Variants in LPCAT3 observed in about 807,000 individuals in gnomAD.
LPCAT3 encodes the protein lysophospholipid acyltransferase 5.
LPCAT3 carries 21 observed loss-of-function variants against 63.4 expected under a neutral mutation model. That is an observed-to-expected ratio of 0.33 (90% CI 0.23 to 0.48). The LOEUF is 0.48. Ranked by LOEUF, LPCAT3 falls within the 20% of genes least tolerant of loss-of-function variation. The probability of loss-of-function intolerance (pLI) is 0.99; values close to 1 mark genes in which losing one functional copy is unlikely to be tolerated. For synonymous variants in LPCAT3, 242 were observed against 227.5 expected (o/e 1.06, Z -0.58); for missense variants, 451 against 590.6 (o/e 0.76, Z 2.45).
chr12:6,988,554 C>T (rs1946551936), intron 1 of LPCAT3, among the ~76,000 whole-genome samples: 1 of 152,062 alleles, frequency 6.6e-6, no homozygotes, highest in South Asian at 2.1e-4. Context: ...TTTGTGGGAG[C>T]CAATGCTTAA....
intron 1 of LPCAT3, among the ~76,000 whole-genome samples, chr12:7,016,235 A>G (rs1946796653): frequency 6.6e-6 from 1 of 151,126 alleles, no homozygotes; most frequent in African/African-American, 2.4e-5. Context: ...CTGGGACCAC[A>G]GGCATGGCAT....
intron 1 of LPCAT3, among the ~76,000 whole-genome samples, chr12:6,983,959 A>G (rs1273163521): frequency 6.6e-6 from 1 of 152,214 alleles, no homozygotes; most frequent in Non-Finnish European, 1.5e-5. Context: ...CCTGAGCAAC[A>G]TAGCGAAACC....
chr12:6,978,416 C>T lies in LPCAT3; in HGVS notation c.965G>A (p.Trp322Ter). ...KWDACANMKV[W>*]LFETNPRFTG... ...GAAGCGGGGGTTTGTTTCAAAGAGCCACACCTTCATGTTGGCACAGGCATC... is the reference window on the plus strand; with the variant it reads ...GAAGCGGGGGTTTGTTTCAAAGAGCTACACCTTCATGTTGGCACAGGCATC... Residue 322 changes from tryptophan to a stop codon, truncating the protein, a stop_gained, in exon 9 of 13, where the codon TGG becomes TAG. Coordinates refer to ENST00000261407, the MANE Select transcript of LPCAT3 (RefSeq NM_005768.6). LOFTEE classifies it high-confidence loss of function. 5.6e-6 allele frequency: 9 copies of T among 1,614,066 alleles called. No homozygotes were observed. The highest frequency in any genetic ancestry group is 7.6e-6 in the Non-Finnish European group (9 of 1,180,012).
chr12:6,981,378 C>A, intron 5 of LPCAT3, 196 bp from the exon 6 acceptor site: 1 of 673,196 alleles, frequency 1.5e-6, no homozygotes, highest in Non-Finnish European at 2.5e-6. Flanking sequence ...TTAGCAAATG[C>A]CTTGCTGGCA....
chr12:6,999,619 A>T (rs1308860316), intron 1 of LPCAT3, among the ~76,000 whole-genome samples: 1 of 152,220 alleles, frequency 6.6e-6, no homozygotes, highest in Non-Finnish European at 1.5e-5. Context: ...ATAACTAAAA[A>T]TTATTCTATA....
At chr12:6,990,865 T>C (rs1246323258) in intron 1 of LPCAT3, among the ~76,000 whole-genome samples, 1 of 136,912 alleles carries the variant, frequency 7.3e-6, no homozygotes, top group Admixed American at 8.0e-5. Context: ...TGTAGTGAGC[T>C]GAGATCACGC....
chr12:7,017,911 G>T lies in LPCAT3; in HGVS notation c.151+363C>A, dbSNP rs1173564275. Among the ~76,000 whole-genome samples, 1 of 152,228 alleles carries T rather than the reference G, an allele frequency of 6.6e-6. No homozygotes were observed. Among genetic ancestry groups the T allele is most frequent in the Admixed American group, 6.5e-5 (1 of 15,286 alleles). ...CCGATGAGATGCGCGCGTGTGCGGG[G>T]TGGTTATTAATGACAGAGCAGGACA... On this transcript the variant is annotated intron_variant, in intron 1 of 12. Coordinates refer to ENST00000261407, the MANE Select transcript of LPCAT3 (RefSeq NM_005768.6). The surrounding 1 kb of genome is among the most constrained non-coding windows in gnomAD (Gnocchi z 4.1).
intron 1 of LPCAT3, among the ~76,000 whole-genome samples, chr12:6,984,473 A>G (rs944029319): frequency 6.6e-6 from 1 of 152,236 alleles, no homozygotes; most frequent in Admixed American, 6.5e-5. Context: ...GCACTAGTGC[A>G]TATGTGGAGG....
intron 1 of LPCAT3, among the ~76,000 whole-genome samples, chr12:6,985,461 C>T (rs1946514153): frequency 1.3e-5 from 2 of 151,888 alleles, no homozygotes; most frequent in Non-Finnish European, 2.9e-5. Context: ...GCCTGTAAAC[C>T]AAGGCACTTT....
intron 6 of LPCAT3, chr12:6,980,073 G>A (rs1946454878): frequency 6.6e-6 from 1 of 150,628 alleles, no homozygotes; most frequent in African/African-American, 2.5e-5. Flanking sequence ...CTAGAGTCAG[G>A]GCCTTGCTCT....
intron 9 of LPCAT3, 166 bp downstream of exon 9, chr12:6,978,175 T>G: frequency 2.6e-6 from 2 of 762,292 alleles, no homozygotes; most frequent in Non-Finnish European, 4.2e-6. Flanking sequence ...AGTAATGGTT[T>G]TTTTGGGAGG....
At position 7,017,122 on chromosome 12, in the gene LPCAT3, T is replaced by C. The variant is rs1488814150; in HGVS notation, c.151+1152A>G. Among the ~76,000 whole-genome samples the C allele has an allele frequency of 7.9e-5, 12 of 152,238 alleles. No homozygotes were observed. The highest frequency in any genetic ancestry group is 2.9e-4 in the African/African-American group (12 of 41,470). ...GGCTTTCCACACCTGCCCAACTTTA[T>C]CTCAAACTTCTCATGGTTCAGACCT... On this transcript the variant is annotated intron_variant, in intron 1 of 12. Transcript: ENST00000261407. This position sits in a 1 kb window ranked among gnomAD's most constrained non-coding sequence, Gnocchi z 4.1.
chr12:6,990,564 A>AATAG (rs1946579369), intron 1 of LPCAT3, among the ~76,000 whole-genome samples: 1 of 117,468 alleles, frequency 8.5e-6, no homozygotes, highest in African/African-American at 3.4e-5. Flanking sequence ...TAAATAAATA[A>AATAG]ATTGAGCACC....
rs1440474185 is a variant in LPCAT3 at position 6,979,472 on chromosome 12, T to C, written c.785A>G (p.Asp262Gly). The change falls in exon 7 of 13, where the codon GAC (aspartate) becomes GGC (glycine). Residue 262 changes from aspartate (D) to glycine (G), a missense_variant and splice_region_variant. Asp to Gly is a moderately conservative substitution (Grantham distance 94). Coordinates refer to ENST00000261407, the MANE Select transcript of LPCAT3 (RefSeq NM_005768.6). ...TEDYLLTEDY[D>G]NHPFWFRCMY... is the part of the protein sequence containing the mutation. ...GCTGCTGCTTTAGTAGACACTCACGTCATAGTCTTCAGTGAGGAGATAGTC... is the reference window on the plus strand; with the variant it reads ...GCTGCTGCTTTAGTAGACACTCACGCCATAGTCTTCAGTGAGGAGATAGTC... 1.2e-6 allele frequency: 2 copies of C among 1,604,012 alleles called. No homozygotes were observed. The highest frequency in any genetic ancestry group is 1.7e-6 in the Non-Finnish European group (2 of 1,170,766).
At chr12:6,988,773 T>A (rs139176842) in intron 1 of LPCAT3, among the ~76,000 whole-genome samples, 1 of 152,112 alleles carries the variant, frequency 6.6e-6, no homozygotes, top group African/African-American at 2.4e-5. Context: ...AGCTTGGAGA[T>A]TGGGGTTGAT....
chr12:6,982,739 G>A lies in LPCAT3; in HGVS notation c.303C>T (p.Phe101=), dbSNP rs782398332. ...YHSLLCIVLQ[F]LILRLMGRTI... is the part of the protein sequence containing the mutation. ...TGCGGCCCATTAGTCGAAGGATGAG[G>A]AACTGAAGCACAATACACAGCAGGG... Residue 101 remains phenylalanine, a synonymous_variant, in exon 3 of 13, where the codon TTC becomes TTT. Coordinates refer to ENST00000261407, the MANE Select transcript of LPCAT3 (RefSeq NM_005768.6). 3 of 1,614,080 alleles carry A rather than the reference G, an allele frequency of 1.9e-6. No individual in the cohort carries two copies. Among genetic ancestry groups the A allele is most frequent in the Admixed American group, 1.7e-5 (1 of 60,026 alleles).
chr12:6,996,702 T>G (rs1946638365), intron 1 of LPCAT3, among the ~76,000 whole-genome samples: 1 of 152,220 alleles, frequency 6.6e-6, no homozygotes, highest in Non-Finnish European at 1.5e-5. Flanking sequence ...TTTTAAGAGG[T>G]GCTTTCTATT....
intron 1 of LPCAT3, among the ~76,000 whole-genome samples, chr12:7,014,834 A>C (rs1946787053): frequency 6.6e-6 from 1 of 151,094 alleles, no homozygotes; most frequent in East Asian, 1.9e-4. Flanking sequence ...CGGAGGTTGC[A>C]ATGAGCCGAC....
In LPCAT3 at chr12:6,977,227, G is replaced by A. The variant is rs1254805876; in HGVS notation, c.1383C>T (p.Phe461=). The change falls in exon 12 of 13, where the codon TTC becomes TTT. Residue 461 remains phenylalanine, a synonymous_variant. Transcript: ENST00000261407. This position sits in a 1 kb window ranked among gnomAD's most constrained non-coding sequence, Gnocchi z 4.5. ...GCAATATGAATAGTAGGCTCAGGAA[G>A]AAGATGTGGCCAAGGAAATAGATGG... ...YKSIYFLGHI[F]FLSLLFILPY... is the part of the protein sequence containing the mutation. The A allele has an allele frequency of 6.2e-7, 1 of 1,613,932 alleles. No homozygotes were observed. Among genetic ancestry groups the A allele is most frequent in the Non-Finnish European group, 8.5e-7 (1 of 1,179,898 alleles).
Sources: allele counts gnomAD v4.1 joint callset (sites outside exome capture counted in the v4.1 genomes callset), GRCh38; gene constraint gnomAD v4.1.1; non-coding constraint Gnocchi (gnomAD v3.1); transcripts MANE v1.5; gene names NCBI Gene and HGNC (gene_info 2026-07-23, HGNC 2026-07-21).